SLC25A12: variants seen among roughly 807,000 people sequenced by gnomAD.
SLC25A12 encodes electrogenic aspartate/glutamate antiporter SLC25A12, mitochondrial.
SLC25A12 carries 32 observed loss-of-function variants against 83.3 expected under a neutral mutation model. That is an observed-to-expected ratio of 0.38 (90% CI 0.29 to 0.52). The LOEUF (loss-of-function observed/expected upper bound fraction) is 0.52, where lower values mean the gene tolerates loss of function less well. SLC25A12 is among the 20% of genes least tolerant of loss of function. The pLI is 0.84. For missense variants in SLC25A12, 611 were observed against 835.6 expected (o/e 0.73, Z 3.31); for synonymous variants, 267 against 291.1 (o/e 0.92, Z 0.84).
At chr2:171,853,837 G>C (rs138615838) in intron 4 of SLC25A12, among the ~76,000 whole-genome samples, 2,852 of 152,280 alleles carry the variant, frequency 0.019, 58 homozygotes, top group Admixed American at 0.068. Context: ...CAGTCTGTTG[G>C]ATGAAGTGGC....
intron 4 of SLC25A12, among the ~76,000 whole-genome samples, chr2:171,847,506 T>TA (rs1248304719): frequency 6.6e-6 from 1 of 152,196 alleles, no homozygotes; most frequent in African/African-American, 2.4e-5. Flanking sequence ...ATATACCAAA[T>TA]ACATCTAACT....
At chr2:171,851,757 A>C (rs1405458658) in intron 4 of SLC25A12, among the ~76,000 whole-genome samples, 1 of 150,884 alleles carries the variant, frequency 6.6e-6, no homozygotes, top group African/African-American at 2.4e-5. Context: ...CTGGTCTTGA[A>C]CTCCTGGGCT....
At chr2:171,881,113 T>C (rs1685684431) in intron 2 of SLC25A12, among the ~76,000 whole-genome samples, 2 of 152,202 alleles carry the variant, frequency 1.3e-5, no homozygotes, top group African/African-American at 4.8e-5. Flanking sequence ...ATTATTTATG[T>C]TTTTTAAAAC....
intron 3 of SLC25A12, among the ~76,000 whole-genome samples, chr2:171,867,745 G>T (rs532712888): frequency 6.6e-6 from 1 of 152,362 alleles, no homozygotes; most frequent in Admixed American, 6.5e-5. Context: ...TAGGATGCCA[G>T]TATTTATTGC....
At chr2:171,794,302 T>A (rs1683551505) in intron 13 of SLC25A12, among the ~76,000 whole-genome samples, 1 of 152,086 alleles carries the variant, frequency 6.6e-6, no homozygotes, top group Non-Finnish European at 1.5e-5. Context: ...AGGGGAAAAG[T>A]CTCCTCCAGT....
At chr2:171,834,969 T>C in intron 6 of SLC25A12, 104 bp from the exon 7 acceptor site, 1 of 1,208,018 alleles carries the variant, frequency 8.3e-7, no homozygotes, top group East Asian at 2.5e-5. Context: ...TCTTCACTGT[T>C]AAAATGATGT....
chr2:171,869,492 AGTGAAATGAATGAGAAAAG>A (rs149737944), intron 2 of SLC25A12, among the ~76,000 whole-genome samples: 10 of 152,344 alleles, frequency 6.6e-5, no homozygotes, highest in Non-Finnish European at 1.3e-4. Context: ...AAACCTTAGA[AGTGAAATGAATGAGAAAAG>A]AATAACAAAC....
chr2:171,800,330 C>G (rs966900878), intron 13 of SLC25A12, among the ~76,000 whole-genome samples: 3 of 151,774 alleles, frequency 2.0e-5, no homozygotes, highest in Admixed American at 6.6e-5. Context: ...ACTTCACACA[C>G]ACACACACAC....
Position 171,787,598 on chromosome 2 carries a change from C to T in SLC25A12, c.1808G>A (p.Arg603Gln), listed in dbSNP as rs375819100. 3.7e-6 allele frequency: 6 copies of T among 1,613,934 alleles called. No individual in the cohort carries two copies. Among genetic ancestry groups the T allele is most frequent in the East Asian group, 4.5e-5 (2 of 44,898 alleles). ...GCCTCCAAAATCAATGTAAAACCACCGCTGGAGAAGTTCATAAGTGACCAA... is the reference window on the plus strand; with the variant it reads ...GCCTCCAAAATCAATGTAAAACCACTGCTGGAGAAGTTCATAAGTGACCAA... The part of the protein sequence containing the change: ...VTLVTYELLQ[R>Q]WFYIDFGGLK... Residue 603 changes from arginine (R) to glutamine (Q), a missense_variant, in exon 17 of 18, where the codon CGG becomes CAG. Around this residue, in one of 3 missense-constraint regions of SLC25A12, gnomAD observed 540 missense variants for 777.5 expected, o/e 0.69. Coordinates refer to ENST00000422440, the MANE Select transcript of SLC25A12 (RefSeq NM_003705.5).
At chr2:171,792,290 A>ATT (rs5836350) in intron 14 of SLC25A12, among the ~76,000 whole-genome samples, 5 of 143,248 alleles carry the variant, frequency 3.5e-5, no homozygotes, top group African/African-American at 7.7e-5. Context: ...ATTCTTTTTA[A>ATT]TTTTTTTTTT....
intron 13 of SLC25A12, among the ~76,000 whole-genome samples, chr2:171,805,127 G>GAGAC (rs1683798237): frequency 8.4e-6 from 1 of 118,816 alleles, no homozygotes; most frequent in African/African-American, 3.2e-5. Flanking sequence ...TTTTTTTTTT[G>GAGAC]AGACAGAGTC....
At chr2:171,798,412 T>C (rs1683642539) in intron 13 of SLC25A12, among the ~76,000 whole-genome samples, 1 of 152,234 alleles carries the variant, frequency 6.6e-6, no homozygotes, top group African/African-American at 2.4e-5. Flanking sequence ...TATTTCCTTC[T>C]TTGATCTGTT....
chr2:171,802,573 GA>G (rs930951889), intron 13 of SLC25A12, among the ~76,000 whole-genome samples: 1 of 152,138 alleles, frequency 6.6e-6, no homozygotes, highest in African/African-American at 2.4e-5. Context: ...TCAGAAGATC[GA>G]GACCATCCTG....
chr2:171,893,090 GTTTGAAAGAATACATGAAAACTGA>G, intron 2 of SLC25A12, 91 bp downstream of exon 2: 1 of 820,260 alleles, frequency 1.2e-6, no homozygotes, highest in South Asian at 1.5e-5. Flanking sequence ...GTCCGGTCAT[GTTTGAAAGAATACATGAAAACTGA>G]ACATTCCTCA....
chr2:171,873,100 T>C (rs2105921214), intron 2 of SLC25A12, among the ~76,000 whole-genome samples: 1 of 152,070 alleles, frequency 6.6e-6, no homozygotes, highest in Admixed American at 6.5e-5. Flanking sequence ...AAAAGGTGAG[T>C]GAAGGAGAGA....
intron 2 of SLC25A12, among the ~76,000 whole-genome samples, chr2:171,883,121 C>T (rs1685731899): frequency 6.6e-6 from 1 of 152,194 alleles, no homozygotes; most frequent in African/African-American, 2.4e-5. Context: ...ACATCTTAGT[C>T]TCTTGACTAG....
intron 2 of SLC25A12, among the ~76,000 whole-genome samples, chr2:171,887,296 G>A (rs913608224): frequency 6.6e-6 from 1 of 151,986 alleles, no homozygotes; most frequent in African/African-American, 2.4e-5. Flanking sequence ...TCATAATTTT[G>A]TATGGGATAC....
At chr2:171,859,848 G>A (rs968189184) in intron 3 of SLC25A12, among the ~76,000 whole-genome samples, 4 of 151,750 alleles carry the variant, frequency 2.6e-5, no homozygotes, top group Admixed American at 6.6e-5. Context: ...TGCAACCTCC[G>A]CCTCCACCTC....
intron 6 of SLC25A12, among the ~76,000 whole-genome samples, 153 bp from the exon 7 acceptor site, chr2:171,835,018 G>A (rs1684526271): frequency 6.6e-6 from 1 of 152,226 alleles, no homozygotes. Flanking sequence ...GTATCACACT[G>A]AAACAGTGCA....
Sources: allele counts gnomAD v4.1 joint callset (sites outside exome capture counted in the v4.1 genomes callset), GRCh38; gene constraint gnomAD v4.1.1; regional missense constraint gnomAD v4.1.1; transcripts MANE v1.5; gene names NCBI Gene and HGNC (gene_info 2026-07-23, HGNC 2026-07-21).